Variants in TOX observed in about 807,000 individuals in gnomAD.
TOX encodes the protein thymocyte selection associated high mobility group box.
In TOX, 11 loss-of-function variants were observed where a neutral mutation model predicts 53.7. That is an observed-to-expected ratio of 0.20 (90% CI 0.13 to 0.34). TOX has a LOEUF of 0.34. Among genes scored for constraint, TOX ranks in the 10% least tolerant of loss-of-function variants. The pLI is 1.00. For missense variants in TOX, 570 were observed against 664.6 expected (o/e 0.86, Z 1.56); for synonymous variants, 225 against 245.3 (o/e 0.92, Z 0.77).
At chr8:58,831,177 T>G (rs758840562) in intron 5 of TOX, among the ~76,000 whole-genome samples, 44 of 152,182 alleles carry the variant, frequency 2.9e-4, no homozygotes, top group Non-Finnish European at 5.4e-4. Flanking sequence ...AACACCGGTT[T>G]GACCTGTTTC....
chr8:58,921,061 A>G (rs1812065351), intron 3 of TOX, among the ~76,000 whole-genome samples: 2 of 143,284 alleles, frequency 1.4e-5, no homozygotes, highest in Non-Finnish European at 3.1e-5. Context: ...TTATGTGGAG[A>G]CACGGAGTTA....
At chr8:59,074,476 T>C (rs748287548) in intron 1 of TOX, among the ~76,000 whole-genome samples, 10 of 152,108 alleles carry the variant, frequency 6.6e-5, no homozygotes, top group African/African-American at 2.4e-4. Flanking sequence ...TCGTAAGATA[T>C]GCGGATGGAT....
chr8:58,932,747 ACTCCCTATAGGCCTG>A (rs1455151876), intron 3 of TOX, among the ~76,000 whole-genome samples: 1 of 152,014 alleles, frequency 6.6e-6, no homozygotes, highest in Non-Finnish European at 1.5e-5. Context: ...GATGTGCGGC[ACTCCCTATAGGCCTG>A]AAGGAACACT....
chr8:58,923,913 A>C (rs1456876958), intron 3 of TOX, among the ~76,000 whole-genome samples: 1 of 152,200 alleles, frequency 6.6e-6, no homozygotes, highest in East Asian at 1.9e-4. Context: ...CGGCCTAGCT[A>C]TTCTAAGTCC....
chr8:58,867,746 G>C (rs926929823), intron 3 of TOX, among the ~76,000 whole-genome samples: 1 of 152,062 alleles, frequency 6.6e-6, no homozygotes, highest in Non-Finnish European at 1.5e-5. Flanking sequence ...TGAGCAGCAG[G>C]GCACGAATTT....
At chr8:58,908,074 T>C (rs1443139556) in intron 3 of TOX, among the ~76,000 whole-genome samples, 1 of 152,188 alleles carries the variant, frequency 6.6e-6, no homozygotes, top group Non-Finnish European at 1.5e-5. Context: ...CTATTCTTCC[T>C]GATGCTCTCT....
chr8:58,939,774 T>C (rs1812404360), intron 2 of TOX, among the ~76,000 whole-genome samples: 1 of 152,256 alleles, frequency 6.6e-6, no homozygotes, highest in Non-Finnish European at 1.5e-5. Flanking sequence ...GGTGGTTTTA[T>C]TTTTCCAAAA....
intron 1 of TOX, among the ~76,000 whole-genome samples, chr8:59,010,818 G>C (rs984573042): frequency 1.3e-5 from 2 of 152,192 alleles, no homozygotes; most frequent in Non-Finnish European, 2.9e-5. Flanking sequence ...ACAAATTGGA[G>C]TTAATTTAAA....
At chr8:58,853,565 A>C (rs1810861684) in intron 3 of TOX, among the ~76,000 whole-genome samples, 2 of 152,178 alleles carry the variant, frequency 1.3e-5, no homozygotes, top group Admixed American at 1.3e-4. Flanking sequence ...ACCAAAGATA[A>C]AACCCACCTC....
At chr8:58,874,882 C>T (rs1811258345) in intron 3 of TOX, among the ~76,000 whole-genome samples, 1 of 152,218 alleles carries the variant, frequency 6.6e-6, no homozygotes, top group Non-Finnish European at 1.5e-5. Context: ...TACAATGACA[C>T]TAATGAGCGC....
chr8:58,998,524 T>A (rs1217111406), intron 1 of TOX, among the ~76,000 whole-genome samples: 462 of 14,716 alleles, frequency 0.031, 14 homozygotes, highest in African/African-American at 0.079. Flanking sequence ...TATATATATA[T>A]ATATATATAT....
intron 1 of TOX, among the ~76,000 whole-genome samples, chr8:59,028,477 G>A (rs1026830124): frequency 5.9e-5 from 9 of 151,962 alleles, no homozygotes; most frequent in Non-Finnish European, 8.8e-5. Context: ...AGGCTATTTT[G>A]GCAAATGGAG....
chr8:58,902,434 C>T (rs1811748240), intron 3 of TOX, among the ~76,000 whole-genome samples: 1 of 152,074 alleles, frequency 6.6e-6, no homozygotes, highest in Non-Finnish European at 1.5e-5. Flanking sequence ...ATTAGGCTCA[C>T]AAAGACCTAT....
At chr8:58,924,071 A>G (rs1167465802) in intron 3 of TOX, among the ~76,000 whole-genome samples, 1 of 152,188 alleles carries the variant, frequency 6.6e-6, no homozygotes, top group Non-Finnish European at 1.5e-5. Flanking sequence ...CTGATAAAGA[A>G]CCCAGTCAAA....
intron 1 of TOX, among the ~76,000 whole-genome samples, chr8:58,974,301 G>A (rs1252855390): frequency 6.6e-6 from 1 of 152,168 alleles, no homozygotes; most frequent in Non-Finnish European, 1.5e-5. Context: ...CAACAGTGCT[G>A]CTGTTGAGAA....
chr8:59,049,492 T>C (rs114722215), intron 1 of TOX, among the ~76,000 whole-genome samples: 98 of 152,326 alleles, frequency 6.4e-4, no homozygotes, highest in African/African-American at 2.3e-3. Context: ...TTAATGATCA[T>C]ATCTACAATA....
chr8:58,908,639 C>T (rs1277300796), intron 3 of TOX, among the ~76,000 whole-genome samples: 1 of 152,184 alleles, frequency 6.6e-6, no homozygotes, highest in African/African-American at 2.4e-5. Context: ...TAACATGTTT[C>T]AATACTTTTG....
intron 1 of TOX, among the ~76,000 whole-genome samples, chr8:58,985,631 T>C (rs1358251348): frequency 6.6e-6 from 1 of 152,254 alleles, no homozygotes; most frequent in Non-Finnish European, 1.5e-5. Context: ...GTTAGGATGG[T>C]AAATTTTATG....
chr8:59,022,416 G>A (rs902724557), intron 1 of TOX, among the ~76,000 whole-genome samples: 8 of 152,142 alleles, frequency 5.3e-5, no homozygotes, highest in African/African-American at 1.4e-4. Context: ...CTATAACACC[G>A]GCTTTCTAGA....
Sources: gnomAD v4.1 joint callset for allele counts (sites outside exome capture counted in the v4.1 genomes callset) on GRCh38, gnomAD v4.1.1 for gene constraint, MANE v1.5 for transcripts, NCBI Gene and HGNC (gene_info 2026-07-23, HGNC 2026-07-21) for gene names.